Variants in FRYL observed in about 807,000 individuals in gnomAD.
The protein encoded by FRYL is FRY like transcription coactivator.
A neutral mutation model predicts 351.2 loss-of-function variants in FRYL; 150 were observed. That is an observed-to-expected ratio of 0.43 (90% CI 0.37 to 0.49). FRYL has a LOEUF of 0.49. FRYL is among the 20% of genes least tolerant of loss of function. The probability of loss-of-function intolerance (pLI) is 0.00; values close to 1 mark genes in which losing one functional copy is unlikely to be tolerated. For missense variants in FRYL, 3,036 were observed against 3,619.3 expected, an observed-to-expected ratio of 0.84 and a Z score of 4.13; for synonymous variants, 1,153 against 1,257.1, an observed-to-expected ratio of 0.92 and a Z score of 1.75.
chr4:48,667,659 T>A (rs1189612410), intron 3 of FRYL, among the ~76,000 whole-genome samples: 1 of 152,110 alleles, frequency 6.6e-6, no homozygotes, highest in Non-Finnish European at 1.5e-5. Context: ...TCCATTCTTT[T>A]TTTTTGGAGA....
At chr4:48,546,388 C>G in intron 41 of FRYL, 117 bp from the exon 42 acceptor site, 1 of 752,162 alleles carries the variant, frequency 1.3e-6, no homozygotes, top group African/African-American at 1.8e-5. Flanking sequence ...TCTGTCAGTG[C>G]AAGGTGATGT....
At chr4:48,777,579 CA>C (rs1776151144) in intron 1 of FRYL, among the ~76,000 whole-genome samples, 1 of 152,048 alleles carries the variant, frequency 6.6e-6, no homozygotes, top group African/African-American at 2.4e-5. Flanking sequence ...GTGTTTAAAA[CA>C]ATGTAGAAAG....
At chr4:48,576,307 T>A in intron 23 of FRYL, 85 bp from the exon 24 acceptor site, 1 of 927,958 alleles carries the variant, frequency 1.1e-6, no homozygotes, top group Non-Finnish European at 1.5e-6. Context: ...TAAATTTCTT[T>A]TTTTTTTTTT....
At chr4:48,764,235 C>T (rs563289535) in intron 1 of FRYL, among the ~76,000 whole-genome samples, 84 of 151,972 alleles carry the variant, frequency 5.5e-4, no homozygotes, top group Non-Finnish European at 9.1e-4. Context: ...TCAACAGACA[C>T]AAATTAATTG....
At chr4:48,564,314 C>T (rs1379029353) in intron 30 of FRYL, among the ~76,000 whole-genome samples, 4 of 152,318 alleles carry the variant, frequency 2.6e-5, no homozygotes, top group East Asian at 1.9e-4. Context: ...TTTACGCGAG[C>T]CTCTCTAGTA....
intron 3 of FRYL, among the ~76,000 whole-genome samples, chr4:48,660,670 C>A (rs1016326656): frequency 2.0e-5 from 3 of 152,104 alleles, no homozygotes; most frequent in Non-Finnish European, 4.4e-5. Context: ...AGAAACCTGA[C>A]AAACACTACC....
intron 60 of FRYL, 129 bp from the exon 61 acceptor site, chr4:48,502,974 A>C: frequency 1.6e-6 from 1 of 619,600 alleles, no homozygotes; most frequent in East Asian, 3.0e-5. Flanking sequence ...TTTATACCCC[A>C]AAGAAAATTA....
chr4:48,749,011 T>C (rs539177429), intron 1 of FRYL, among the ~76,000 whole-genome samples: 4 of 152,038 alleles, frequency 2.6e-5, no homozygotes, highest in African/African-American at 7.3e-5. Flanking sequence ...TGGAAACATA[T>C]CTGGCATATT....
At chr4:48,724,593 T>C (rs1446793203) in intron 1 of FRYL, among the ~76,000 whole-genome samples, 2 of 152,346 alleles carry the variant, frequency 1.3e-5, no homozygotes, top group East Asian at 3.9e-4. Context: ...GGCTGTCTTG[T>C]GGATATTTAC....
intron 56 of FRYL, among the ~76,000 whole-genome samples, chr4:48,514,738 T>C (rs1412238096): frequency 6.6e-6 from 1 of 152,270 alleles, no homozygotes; most frequent in African/African-American, 2.4e-5. Flanking sequence ...CCAAAATAGA[T>C]ATTTGGTGTG....
chr4:48,696,022 A>C (rs949865191), intron 2 of FRYL, among the ~76,000 whole-genome samples: 1 of 152,218 alleles, frequency 6.6e-6, no homozygotes, highest in South Asian at 2.1e-4. Flanking sequence ...AAAAGTCAAG[A>C]AACAATAGAT....
intron 59 of FRYL, among the ~76,000 whole-genome samples, chr4:48,509,851 T>TC (rs1722109839): frequency 6.6e-6 from 1 of 152,130 alleles, no homozygotes. Context: ...AAAGCTATGG[T>TC]TTTCCATTGT....
At chr4:48,502,075 A>T (rs1335740996) in intron 61 of FRYL, among the ~76,000 whole-genome samples, 3 of 152,238 alleles carry the variant, frequency 2.0e-5, no homozygotes, top group Non-Finnish European at 4.4e-5. Context: ...AAATGCAAAG[A>T]CTTTTGCCCT....
chr4:48,531,118 C>A, intron 50 of FRYL, 38 bp downstream of exon 50: 1 of 1,242,674 alleles, frequency 8.0e-7, no homozygotes, highest in East Asian at 2.3e-5. Flanking sequence ...AATGAAAATT[C>A]CTAGTAGAGT....
At position 48,626,486 on chromosome 4, in the gene FRYL, T is replaced by C. The variant is rs557739197; in HGVS notation, c.121-3307A>G. ...TAATTAATCAAATTAATCAAACCAT[T>C]ACAATTAGTTTAACTTAAAATAGCA... On this transcript the variant is annotated intron_variant, in intron 4 of 63. Coordinates refer to ENST00000358350, the MANE Select transcript of FRYL (RefSeq NM_015030.2). Among the ~76,000 whole-genome samples, 214 of 152,168 alleles carry C rather than the reference T, an allele frequency of 1.4e-3. 1 individual carries two copies. The highest frequency in any genetic ancestry group is 4.6e-3 in the African/African-American group (190 of 41,560).
At chr4:48,555,525 C>T (rs1733879163) in intron 35 of FRYL, among the ~76,000 whole-genome samples, 1 of 152,002 alleles carries the variant, frequency 6.6e-6, no homozygotes, top group African/African-American at 2.4e-5. Flanking sequence ...GGCACTGCCA[C>T]CTGAAGGAGG....
chr4:48,633,687 T>C (rs947935893), intron 4 of FRYL, among the ~76,000 whole-genome samples: 1 of 152,180 alleles, frequency 6.6e-6, no homozygotes, highest in Non-Finnish European at 1.5e-5. Flanking sequence ...TCTATTGATT[T>C]TACTTCTGTT....
intron 1 of FRYL, among the ~76,000 whole-genome samples, chr4:48,746,525 A>G (rs1299237781): frequency 3.3e-5 from 5 of 151,684 alleles, no homozygotes; most frequent in Admixed American, 2.6e-4. Flanking sequence ...AGCCCGGGCG[A>G]CAGAGCAAGA....
chr4:48,678,379 G>A (rs1560846233), intron 3 of FRYL, among the ~76,000 whole-genome samples: 1 of 151,980 alleles, frequency 6.6e-6, no homozygotes, highest in Non-Finnish European at 1.5e-5. Flanking sequence ...GTGGTGGTGT[G>A]TGCCTGTAAT....
Sources: gnomAD v4.1 joint callset for allele counts (sites outside exome capture counted in the v4.1 genomes callset) on GRCh38, gnomAD v4.1.1 for gene constraint, MANE v1.5 for transcripts, NCBI Gene and HGNC (gene_info 2026-07-23, HGNC 2026-07-21) for gene names.